Variants in RMST observed in about 807,000 individuals in gnomAD.
The protein encoded by RMST is long intergenic non-protein coding RNA 54.
intron 10 of RMST, among the ~76,000 whole-genome samples, chr12:97,527,591 C>T (rs555807498): frequency 9.2e-5 from 14 of 152,134 alleles, no homozygotes; most frequent in Non-Finnish European, 1.6e-4. Flanking sequence ...GTCAGCTTCT[C>T]CTATTTTAAT....
At chr12:97,485,815 C>T (rs1876030187) in intron 5 of RMST, among the ~76,000 whole-genome samples, 1 of 152,206 alleles carries the variant, frequency 6.6e-6, no homozygotes, top group South Asian at 2.1e-4. Flanking sequence ...AGTCTCTCAG[C>T]ATTTACATCA....
chr12:97,509,270 GTT>G (rs1565927011), intron 10 of RMST, among the ~76,000 whole-genome samples: 1 of 152,162 alleles, frequency 6.6e-6, no homozygotes, highest in African/African-American at 2.4e-5. Context: ...CCTCTGATCT[GTT>G]GATGTCTTAA....
intron 11 of RMST, among the ~76,000 whole-genome samples, chr12:97,534,586 G>A (rs947795865): frequency 6.6e-6 from 1 of 151,658 alleles, no homozygotes; most frequent in Non-Finnish European, 1.5e-5. Flanking sequence ...AAAAGTGTTG[G>A]TGAAAGAGCA....
At chr12:97,509,376 T>C (rs984888278) in intron 10 of RMST, among the ~76,000 whole-genome samples, 3 of 145,222 alleles carry the variant, frequency 2.1e-5, no homozygotes, top group Non-Finnish European at 2.9e-5. Flanking sequence ...GGATACGGCA[T>C]AGTGGACTAT....
intron 11 of RMST, among the ~76,000 whole-genome samples, chr12:97,539,398 CA>C (rs1219190436): frequency 6.6e-6 from 1 of 151,542 alleles, no homozygotes; most frequent in Non-Finnish European, 1.5e-5. Context: ...CACATACATT[CA>C]TAAAATCGCC....
intron 11 of RMST, among the ~76,000 whole-genome samples, chr12:97,543,657 T>G (rs889717408): frequency 2.0e-5 from 3 of 152,012 alleles, no homozygotes; most frequent in Admixed American, 2.0e-4. Flanking sequence ...GTTTACTATA[T>G]GCCAGACACT....
intron 11 of RMST, among the ~76,000 whole-genome samples, chr12:97,547,737 ATTAT>A (rs1467948976): frequency 1.3e-5 from 2 of 151,904 alleles, no homozygotes; most frequent in African/African-American, 4.8e-5. Flanking sequence ...TTTAAATCAG[ATTAT>A]TTGTTTTCTT....
chr12:97,519,668 G>A (rs1033137299), intron 10 of RMST, among the ~76,000 whole-genome samples: 3 of 152,056 alleles, frequency 2.0e-5, no homozygotes, highest in Non-Finnish European at 4.4e-5. Context: ...GTTCAGAATC[G>A]GTTCTTATCA....
At chr12:97,498,597 G>T (rs1265368144) in intron 10 of RMST, among the ~76,000 whole-genome samples, 1 of 45,052 alleles carries the variant, frequency 2.2e-5, no homozygotes, top group African/African-American at 1.7e-4. Flanking sequence ...AATGCATTAT[G>T]ATTAAAAAAA....
At chr12:97,470,310 G>A (rs574350961) in intron 5 of RMST, among the ~76,000 whole-genome samples, 1 of 152,136 alleles carries the variant, frequency 6.6e-6, no homozygotes, top group South Asian at 2.1e-4. Context: ...GGTCCCAGCA[G>A]TGAAATAAGA....
chr12:97,533,744 A>G (rs984794693), intron 11 of RMST: 1 of 151,860 alleles, frequency 6.6e-6, no homozygotes, highest in African/African-American at 2.4e-5. Flanking sequence ...TTAAAATGAT[A>G]ATAAAGGTTC....
At chr12:97,521,234 ATTTATC>A (rs58886825) in intron 10 of RMST, among the ~76,000 whole-genome samples, 340 of 152,212 alleles carry the variant, frequency 2.2e-3, no homozygotes, top group African/African-American at 6.8e-3. Flanking sequence ...ATGAATCTTC[ATTTATC>A]TTTAAGTATA....
Position 97,558,592 on chromosome 12 carries a change from T to C in RMST, n.1546-1945T>C, listed in dbSNP as rs1883876747. Among the ~76,000 whole-genome samples, 3 of 151,584 alleles carry C rather than the reference T, an allele frequency of 2.0e-5. No homozygotes were observed. The South Asian group carries it at 6.3e-4, about 32-fold the overall frequency. On this transcript the variant is annotated intron_variant and non_coding_transcript_variant, in intron 11 of 13. Coordinates refer to ENST00000640149, the Ensembl canonical transcript of RMST. ...AATTTTTTTCAAATATACAGCTGAG[T>C]TTTTTTTTCTTCTATTTCCCTCACA...
At chr12:97,468,086 A>G (rs1185596243) in intron 5 of RMST, among the ~76,000 whole-genome samples, 2 of 151,986 alleles carry the variant, frequency 1.3e-5, no homozygotes, top group East Asian at 1.9e-4. Flanking sequence ...ACTCTGAGTT[A>G]CTGTTCTACC....
In RMST at chr12:97,535,937, A is replaced by G. The variant is rs1592760370; in HGVS notation, n.1545+5078A>G. ...CAAATATTAATAGTTTAGTTCATTG[A>G]AAACCAATCATTAGGCTTTTTAAAA... On this transcript the variant is annotated intron_variant and non_coding_transcript_variant, in intron 11 of 13. Coordinates refer to ENST00000640149, the Ensembl canonical transcript of RMST. Among the ~76,000 whole-genome samples the G allele has an allele frequency of 5.9e-5, 9 of 151,742 alleles. No homozygotes were observed. The South Asian group carries it at 1.9e-3, about 31-fold the overall frequency.
chr12:97,560,058 T>C (rs1465304865), intron 11 of RMST, among the ~76,000 whole-genome samples: 1 of 152,184 alleles, frequency 6.6e-6, no homozygotes, highest in East Asian at 1.9e-4. Context: ...AGCATTTGCT[T>C]TTCCCATGTG....
chr12:97,514,387 G>T (rs1315026171), intron 10 of RMST, among the ~76,000 whole-genome samples: 2 of 152,144 alleles, frequency 1.3e-5, no homozygotes, highest in Non-Finnish European at 2.9e-5. Context: ...CCATGTTCAA[G>T]AAATGTTTTC....
chr12:97,524,144 A>G (rs1201997430), intron 10 of RMST, among the ~76,000 whole-genome samples: 1 of 150,712 alleles, frequency 6.6e-6, no homozygotes, highest in Middle Eastern at 3.2e-3. Context: ...TGTTCTTTAC[A>G]AAGTATGTCA....
At chr12:97,523,810 G>A (rs150698421) in intron 10 of RMST, among the ~76,000 whole-genome samples, 22 of 152,050 alleles carry the variant, frequency 1.4e-4, no homozygotes, top group African/African-American at 5.1e-4. Flanking sequence ...GGGCGCAGTG[G>A]CTCATGCCTG....
Sources: allele counts gnomAD v4.1 joint callset (sites outside exome capture counted in the v4.1 genomes callset), GRCh38; gene constraint gnomAD v4.1.1; transcripts MANE v1.5; gene names NCBI Gene and HGNC (gene_info 2026-07-23, HGNC 2026-07-21).